The following RREB1 variants were observed in gnomAD, a reference collection of about 807,000 sequenced individuals.
The protein encoded by RREB1 is ras responsive element binding protein 1, also known as ras-responsive element-binding protein 1.
Under a neutral mutation model 117.8 loss-of-function variants are expected in RREB1, and 27 were observed. That is an observed-to-expected ratio of 0.23 (90% CI 0.17 to 0.32). RREB1 has a LOEUF of 0.32. RREB1 is among the 10% of genes least tolerant of loss of function. RREB1 has a pLI of 1.00. For synonymous variants in RREB1, 1,298 were observed against 1,026.7 expected (o/e 1.26, Z -5.05); for missense variants, 2,577 against 2,378.2 (o/e 1.08, Z -1.74).
At chr6:7,190,017 C>T (rs1765319646) in intron 6 of RREB1, among the ~76,000 whole-genome samples, 1 of 152,182 alleles carries the variant, frequency 6.6e-6, no homozygotes, top group Admixed American at 6.5e-5. Flanking sequence ...AGTTGAGTCA[C>T]ATTTGTTACA....
intron 6 of RREB1, among the ~76,000 whole-genome samples, chr6:7,196,958 G>C (rs1765705724): frequency 6.6e-6 from 1 of 152,180 alleles, no homozygotes; most frequent in Non-Finnish European, 1.5e-5. Flanking sequence ...TAACTTCCCA[G>C]AACTCTTTAT....
In RREB1 at chr6:7,210,843, A is replaced by G; in HGVS notation, c.465A>G (p.Thr155=). Reference sequence around the variant, plus strand: ...ATGAGAAGGACCCTAACAGTGCCACAGCCACAGCCCCTCCATCTCCTCTGA... The same window carrying G: ...ATGAGAAGGACCCTAACAGTGCCACGGCCACAGCCCCTCCATCTCCTCTGA... ...KIHEKDPNSA[T]ATAPPSPLKR... Residue 155 remains threonine (T), a synonymous_variant, in exon 7 of 13, where the codon ACA becomes ACG. Coordinates refer to ENST00000379938, the MANE Select transcript of RREB1 (RefSeq NM_001003699.4). 6.2e-7 allele frequency: 1 copy of G among 1,614,092 alleles called. No homozygotes were observed. Among genetic ancestry groups the G allele is most frequent in the Middle Eastern group, 1.6e-4 (1 of 6,062 alleles).
chr6:7,155,945 A>C (rs1194543220), intron 1 of RREB1, among the ~76,000 whole-genome samples: 1 of 152,238 alleles, frequency 6.6e-6, no homozygotes, highest in Admixed American at 6.5e-5. Context: ...TGTCCTGGAC[A>C]GTACCGGCTT....
intron 8 of RREB1, among the ~76,000 whole-genome samples, chr6:7,221,860 G>T (rs6927173): frequency 0.52 from 79,463 of 152,090 alleles, 21,893 homozygotes; most frequent in East Asian, 0.81. Context: ...TAAAACTCAG[G>T]TTTTCCTGAT....
intron 6 of RREB1, among the ~76,000 whole-genome samples, chr6:7,201,292 T>G (rs2113591689): frequency 6.6e-6 from 1 of 152,296 alleles, no homozygotes; most frequent in South Asian, 2.1e-4. Flanking sequence ...GATCACAAAA[T>G]GAAACCTGCA....
chr6:7,226,716 A>G, intron 9 of RREB1, 60 bp downstream of exon 9: 1 of 1,300,418 alleles, frequency 7.7e-7, no homozygotes, highest in Non-Finnish European at 1.1e-6. Flanking sequence ...ACACAGTTAG[A>G]CCATGGGAAC....
intron 1 of RREB1, among the ~76,000 whole-genome samples, chr6:7,122,912 C>T (rs1031321508): frequency 1.3e-5 from 2 of 152,136 alleles, no homozygotes; most frequent in African/African-American, 4.8e-5. Context: ...CATGTATCAG[C>T]TCACTTTTGG....
At chr6:7,191,220 CAT>C (rs1491348455) in intron 6 of RREB1, among the ~76,000 whole-genome samples, 8 of 149,784 alleles carry the variant, frequency 5.3e-5, no homozygotes, top group African/African-American at 2.0e-4. Flanking sequence ...ATTCACTTTT[CAT>C]TTTTTTTTTT....
At chr6:7,228,854 C>T in intron 9 of RREB1, 143 bp from the exon 10 acceptor site, 1 of 710,092 alleles carries the variant, frequency 1.4e-6, no homozygotes, top group Admixed American at 3.9e-5. Flanking sequence ...GCTATATTGC[C>T]CAGGCTGGGA....
chr6:7,117,311 C>T (rs944475680), intron 1 of RREB1, among the ~76,000 whole-genome samples: 8 of 145,674 alleles, frequency 5.5e-5, no homozygotes, highest in African/African-American at 2.1e-4. Context: ...GATATGTCTT[C>T]AGAAATAGGG....
At chr6:7,112,185 A>G (rs1400221294) in intron 1 of RREB1, among the ~76,000 whole-genome samples, 1 of 152,254 alleles carries the variant, frequency 6.6e-6, no homozygotes, top group Non-Finnish European at 1.5e-5. Context: ...GCCAAATGTC[A>G]GAAAACAAAA....
rs1767066877 is a variant in RREB1, at chr6:7,218,857, GTCT to G, written c.707+7154_707+7156del. 4.2e-5 allele frequency: 6 copies of G among 144,344 alleles called. No homozygotes were observed. The Admixed American group carries it at 4.2e-4, about 10-fold the overall frequency. 8.9% of individuals were successfully genotyped at this position (144,344 alleles called of 1,614,324 possible). A position where few individuals can be genotyped will look rare whatever the true frequency, so the allele number is the denominator to read the frequency against. Reference sequence around the variant, plus strand: ...AAAAAAAAAAAAAAAAGGATATCCTGTCTTCTTCCAAGGACATTTGCTGTCAGA... The same window carrying G: ...AAAAAAAAAAAAAAAAGGATATCCTGTCTTCCAAGGACATTTGCTGTCAGA... On this transcript the variant is annotated intron_variant, in intron 8 of 12. Transcript: ENST00000379938.
At chr6:7,126,278 G>A (rs1419024917) in intron 1 of RREB1, among the ~76,000 whole-genome samples, 2 of 152,112 alleles carry the variant, frequency 1.3e-5, no homozygotes, top group South Asian at 4.2e-4. Context: ...GGGATTACAG[G>A]CGTGAGCCAC....
At chr6:7,221,890 G>A (rs1158346285) in intron 8 of RREB1, among the ~76,000 whole-genome samples, 1 of 152,208 alleles carries the variant, frequency 6.6e-6, no homozygotes, top group African/African-American at 2.4e-5. Flanking sequence ...TAGCTAAAAC[G>A]TGCCAGGAAA....
At chr6:7,120,527 G>T (rs948637539) in intron 1 of RREB1, among the ~76,000 whole-genome samples, 1 of 152,112 alleles carries the variant, frequency 6.6e-6, no homozygotes, top group African/African-American at 2.4e-5. Context: ...CAGACGTTAT[G>T]TTCTTACCAT....
At chr6:7,157,028 C>T (rs1315401817) in intron 1 of RREB1, among the ~76,000 whole-genome samples, 1 of 152,210 alleles carries the variant, frequency 6.6e-6, no homozygotes, top group Non-Finnish European at 1.5e-5. Flanking sequence ...GCTGCCTTGC[C>T]CCAGCTCCCT....
At chr6:7,200,162 A>G (rs751165962) in intron 6 of RREB1, among the ~76,000 whole-genome samples, 7 of 150,360 alleles carry the variant, frequency 4.7e-5, no homozygotes, top group African/African-American at 7.4e-5. Context: ...CCCTTTAACA[A>G]TCAGCACAGC....
chr6:7,246,757 C>T lies in RREB1; in HGVS notation c.4307C>T (p.Ala1436Val), dbSNP rs533475141. The T allele has an allele frequency of 5.1e-4, 795 of 1,565,838 alleles. 17 individuals carry two copies. The South Asian group carries it at 8.3e-3, about 16-fold the overall frequency. The stretch of plus-strand genomic sequence containing the variant: ...AAGCTGGCGGAGGGCGACGGCGAGG[C>T]AGGCGCCGGGGGCGCGGCCTCGCAG... ...DFKLAEGDGE[A>V]GAGGAASQEQ... The change falls in exon 12 of 13, where the codon GCA (alanine) becomes GTA (valine). Residue 1436 changes from alanine to valine, a missense_variant. Transcript: ENST00000379938.
rs1468399833 is a variant in RREB1, at chr6:7,229,959, G to A, written c.1860G>A (p.Glu620=). 1.2e-5 allele frequency: 20 copies of A among 1,603,866 alleles called. 1 individual carries two copies. In the Admixed American group the frequency reaches 3.2e-4, roughly 26 times the overall value. The change falls in exon 10 of 13, where the codon GAG becomes GAA. Residue 620 remains glutamate, a synonymous_variant. Coordinates refer to ENST00000379938, the MANE Select transcript of RREB1 (RefSeq NM_001003699.4). This position sits in a 1 kb window ranked among gnomAD's most constrained non-coding sequence, Gnocchi z 4.5. ...CCAAGATCAAGCAGGAGATCACAGAGGGGGAACTCAAGGCCTTCATGACAG... is the reference window on the plus strand; with the variant it reads ...CCAAGATCAAGCAGGAGATCACAGAAGGGGAACTCAAGGCCTTCATGACAG... ...MEAKIKQEIT[E]GELKAFMTAP... is the part of the protein sequence containing the mutation.
Sources: gnomAD v4.1 joint callset for allele counts (sites outside exome capture counted in the v4.1 genomes callset) on GRCh38, gnomAD v4.1.1 for gene constraint, Gnocchi (gnomAD v3.1) non-coding constraint, MANE v1.5 for transcripts, NCBI Gene and HGNC (gene_info 2026-07-23, HGNC 2026-07-21) for gene names.